SPRY3: variants seen among roughly 807,000 people sequenced by gnomAD.
The protein encoded by SPRY3 is protein sprouty homolog 3.
In SPRY3, 15 loss-of-function variants were observed where a neutral mutation model predicts 20.2. The observed-to-expected ratio is 0.74, with a 90% CI of 0.50 to 1.14. SPRY3 has a LOEUF of 1.14. Ranked by LOEUF, SPRY3 falls within the 50% of genes most tolerant of loss-of-function variation. The pLI is 0.00. For missense variants in SPRY3, 364 were observed against 363.9 expected (o/e 1.00, Z 0.00); for synonymous variants, 143 against 136.5 (o/e 1.05, Z -0.33).
chrX:155,651,369 T>C (rs1360901591), intron 1 of SPRY3, among the ~76,000 whole-genome samples: 1 of 112,129 alleles, frequency 8.9e-6, no homozygotes, highest in Non-Finnish European at 1.9e-5. Flanking sequence ...CAGGTATTTT[T>C]AAGTTTAGAC....
intron 2 of SPRY3, among the ~76,000 whole-genome samples, chrX:155,740,610 C>T (rs1023972782): frequency 2.0e-5 from 3 of 152,084 alleles, no homozygotes; most frequent in African/African-American, 7.2e-5. Flanking sequence ...AAAAACCCCA[C>T]CCTGGTGAAT....
chrX:155,658,062 G>A (rs1557353151), intron 2 of SPRY3, among the ~76,000 whole-genome samples: 1 of 112,334 alleles, frequency 8.9e-6, no homozygotes, highest in African/African-American at 3.2e-5. Flanking sequence ...CTTCTTGCCA[G>A]CAGAATCTAC....
At chrX:155,616,927 A>G (rs1215544276) in intron 1 of SPRY3, among the ~76,000 whole-genome samples, 1 of 110,187 alleles carries the variant, frequency 9.1e-6, no homozygotes, top group Non-Finnish European at 1.9e-5. Context: ...AAACAATTGT[A>G]CTTTACTGTA....
intron 2 of SPRY3, among the ~76,000 whole-genome samples, chrX:155,688,164 C>A (rs1010590929): frequency 9.3e-6 from 1 of 107,535 alleles, no homozygotes; most frequent in African/African-American, 3.4e-5. Flanking sequence ...AGTTAGTTTG[C>A]TGAGGATAAT....
At chrX:155,680,617 C>T (rs963100871) in intron 2 of SPRY3, among the ~76,000 whole-genome samples, 1 of 110,989 alleles carries the variant, frequency 9.0e-6, no homozygotes. Context: ...CACTGAGTTT[C>T]GGATAAATGT....
intron 2 of SPRY3, among the ~76,000 whole-genome samples, chrX:155,765,320 C>T (rs1320606378): frequency 2.0e-5 from 3 of 152,028 alleles, no homozygotes; most frequent in African/African-American, 7.3e-5. Context: ...AGTTAAAATC[C>T]TAGATCTGCA....
At chrX:155,711,829 T>C (rs983732107) in intron 2 of SPRY3, among the ~76,000 whole-genome samples, 1 of 151,470 alleles carries the variant, frequency 6.6e-6, no homozygotes, top group African/African-American at 2.4e-5. Context: ...TTTTTTGTTG[T>C]AGGGACTTAT....
downstream of SPRY3, chrX:155,778,933 A>G (rs1468303608): frequency 1.2e-5 from 2 of 167,058 alleles, no homozygotes; most frequent in African/African-American, 4.8e-5. Flanking sequence ...GATCCAGGGT[A>G]GTATGAGTAA....
intron 2 of SPRY3, among the ~76,000 whole-genome samples, chrX:155,760,016 A>G (rs1334850525): frequency 2.0e-5 from 3 of 152,160 alleles, no homozygotes; most frequent in African/African-American, 7.2e-5. Flanking sequence ...GCTTTCTTCA[A>G]ATATAATGAA....
chrX:155,706,519 A>G (rs762928429), intron 2 of SPRY3, among the ~76,000 whole-genome samples: 2 of 150,742 alleles, frequency 1.3e-5, no homozygotes, highest in Admixed American at 1.3e-4. Flanking sequence ...ATAAAGTTTA[A>G]AAGAGAAAAT....
intron 2 of SPRY3, among the ~76,000 whole-genome samples, chrX:155,673,297 C>A (rs782372663): frequency 9.1e-6 from 1 of 109,966 alleles, no homozygotes; most frequent in African/African-American, 3.3e-5. Flanking sequence ...GTCTTCATGT[C>A]ATGAGAACAA....
chrX:155,707,048 G>C (rs1268934914), intron 2 of SPRY3, among the ~76,000 whole-genome samples: 1 of 150,064 alleles, frequency 6.7e-6, no homozygotes, highest in South Asian at 2.1e-4. Flanking sequence ...GGTTTAATTT[G>C]CTCTTGTTTT....
intron 2 of SPRY3, among the ~76,000 whole-genome samples, chrX:155,756,838 T>C: frequency 6.6e-6 from 1 of 152,150 alleles, no homozygotes; most frequent in South Asian, 2.1e-4. Context: ...AAAATATAGG[T>C]GATGCCTTTC....
intron 2 of SPRY3, among the ~76,000 whole-genome samples, chrX:155,721,556 G>A (rs1223094814): frequency 6.6e-6 from 1 of 151,934 alleles, no homozygotes; most frequent in Non-Finnish European, 1.5e-5. Flanking sequence ...AAAGTAGCAA[G>A]AGAAAATAAA....
chrX:155,694,021 T>C (rs751457347), intron 2 of SPRY3, among the ~76,000 whole-genome samples: 2 of 112,088 alleles, frequency 1.8e-5, no homozygotes, highest in South Asian at 3.7e-4. Context: ...CCCAGGCTGG[T>C]CTAAAACTCC....
intron 3 of SPRY3, among the ~76,000 whole-genome samples, chrX:155,769,715 T>C (rs927244036): frequency 1.3e-5 from 2 of 152,168 alleles, no homozygotes; most frequent in African/African-American, 4.8e-5. Context: ...TGGTTTGAAA[T>C]AAACTGCTAT....
rs1010435572 is a variant in SPRY3, at chrX:155,654,529, T to C, written c.-440-2338T>C. ...TCTACTATTTCACTCTGTATGTCCA[T>C]GTGTACTCATTTTTACTTCCCACTT... On this transcript the variant is annotated intron_variant, in intron 1 of 3. Coordinates refer to ENST00000675360, the Ensembl canonical transcript of SPRY3. Among the ~76,000 whole-genome samples, 6 of 111,144 alleles carry C rather than the reference T, an allele frequency of 5.4e-5. No individual in the cohort carries two copies. In the South Asian group the frequency reaches 2.3e-3, roughly 42 times the overall value.
chrX:155,747,800 C>G (rs890219387), intron 2 of SPRY3, among the ~76,000 whole-genome samples: 1 of 151,836 alleles, frequency 6.6e-6, no homozygotes, highest in African/African-American at 2.4e-5. Flanking sequence ...TTGAGACACT[C>G]TAGAGCAGTG....
In SPRY3 at chrX:155,765,443, T is replaced by G. The variant is rs182908509; in HGVS notation, c.-281-2519T>G. Reference sequence around the variant, plus strand: ...TGCCTCATAGGTTTGTTGTGAGAATTAAATAGGTTAAAACATGTAAAATTC... The same window carrying G: ...TGCCTCATAGGTTTGTTGTGAGAATGAAATAGGTTAAAACATGTAAAATTC... On this transcript the variant is annotated intron_variant, in intron 2 of 3. Transcript: ENST00000675360. Among the ~76,000 whole-genome samples, 170 of 152,282 alleles carry G rather than the reference T, an allele frequency of 1.1e-3. 1 individual carries two copies. The Middle Eastern group carries it at 0.014, about 12-fold the overall frequency.
Sources: gnomAD v4.1 joint callset for allele counts (sites outside exome capture counted in the v4.1 genomes callset) on GRCh38, gnomAD v4.1.1 for gene constraint, MANE v1.5 for transcripts, NCBI Gene and HGNC (gene_info 2026-07-23, HGNC 2026-07-21) for gene names.